The following LTBP2 variants were observed in gnomAD, a reference collection of about 807,000 sequenced individuals.
LTBP2 encodes latent-transforming growth factor beta-binding protein 2.
LTBP2 carries 103 observed loss-of-function variants against 210.6 expected under a neutral mutation model. The ratio of observed to expected loss-of-function variants is 0.49; its 90% confidence interval spans 0.42 to 0.58. The LOEUF (loss-of-function observed/expected upper bound fraction) is 0.58, where lower values mean the gene tolerates loss of function less well. Ranked by LOEUF, LTBP2 falls within the 20% of genes least tolerant of loss-of-function variation. LTBP2 has a pLI of 0.00. For missense variants in LTBP2, 2,313 were observed against 2,494.5 expected (o/e 0.93, Z 1.55); for synonymous variants, 1,007 against 1,015.0 (o/e 0.99, Z 0.15).
chr14:74,611,130 C>T (rs1371187845), intron 1 of LTBP2, among the ~76,000 whole-genome samples: 1 of 152,236 alleles, frequency 6.6e-6, no homozygotes, highest in Non-Finnish European at 1.5e-5. Context: ...GGCAGCGCTG[C>T]AAGAGTCTAC....
Position 74,552,928 on chromosome 14 carries a change from C to A in LTBP2, c.1156G>T (p.Gly386Cys). 4 of 1,613,780 alleles carry A rather than the reference C, an allele frequency of 2.5e-6. No homozygotes were observed. The highest frequency in any genetic ancestry group is 3.4e-6 in the Non-Finnish European group (4 of 1,179,858). ...CCAGACTTGGGATCGTGCCCATGGC[C>A]GCCCTGGCTGTACAGGGTGGTGGTG... ...GDTTTLYSQG[G>C]HGHDPKSGFR... The change falls in exon 5 of 36, where the codon GGC (glycine) becomes TGC (cysteine). Residue 386 changes from glycine (G) to cysteine (C), a missense_variant. By Grantham distance (159) the Gly-to-Cys change is radical. Transcript: ENST00000261978.
chr14:74,590,163 T>A (rs946184641), intron 2 of LTBP2, among the ~76,000 whole-genome samples: 3 of 152,172 alleles, frequency 2.0e-5, no homozygotes, highest in Non-Finnish European at 4.4e-5. Flanking sequence ...GGCACAGACA[T>A]GGTGAAAAGG....
rs1227179818 is a variant in LTBP2 at position 74,612,028 on chromosome 14, C to G, written c.-84G>C. 5 of 1,350,036 alleles carry G rather than the reference C, an allele frequency of 3.7e-6. No homozygotes were observed. Among genetic ancestry groups the G allele is most frequent in the Non-Finnish European group, 4.8e-6 (5 of 1,040,216 alleles). The allele number at this position is 1,350,036 out of a possible 1,614,324, so 83.6% of individuals were successfully genotyped here. A position where few individuals can be genotyped will look rare whatever the true frequency, so the allele number is the denominator to read the frequency against. ...ACGCTGGACGCCCGCGGGCTGTTCT[C>G]CCGGCCCCGCCCGGCGGCCAGCTTC... On this transcript the variant is annotated 5_prime_UTR_variant, in exon 1 of 36. Transcript: ENST00000261978.
At chr14:74,513,803 TCAAA>T (rs33944266) in intron 18 of LTBP2, among the ~76,000 whole-genome samples, 106,104 of 151,016 alleles carry the variant, frequency 0.7, 37,674 homozygotes, top group African/African-American at 0.82. Context: ...AGACTCTGTC[TCAAA>T]CAAACAAACA....
At chr14:74,552,501 G>T in intron 5 of LTBP2, 108 bp from the exon 6 acceptor site, 1 of 1,003,856 alleles carries the variant, frequency 1.0e-6, no homozygotes, top group Non-Finnish European at 1.5e-6. Context: ...ACCCTAGATG[G>T]CTCCTGTAGC....
chr14:74,551,022 T>G (rs757666137), intron 7 of LTBP2, 42 bp downstream of exon 7: 8 of 1,610,752 alleles, frequency 5.0e-6, no homozygotes, highest in Non-Finnish European at 6.8e-6. Flanking sequence ...ACAACTGCCA[T>G]CCTGGAAGCA....
intron 2 of LTBP2, among the ~76,000 whole-genome samples, chr14:74,592,854 G>A (rs542813004): frequency 6.6e-6 from 1 of 152,042 alleles, no homozygotes; most frequent in Non-Finnish European, 1.5e-5. Context: ...CAGTACCCTC[G>A]GACAACCGGA....
At chr14:74,570,310 C>A (rs1012979207) in intron 3 of LTBP2, among the ~76,000 whole-genome samples, 2 of 152,202 alleles carry the variant, frequency 1.3e-5, no homozygotes, top group Non-Finnish European at 2.9e-5. Flanking sequence ...TGCCCATGCA[C>A]AAGCTTAGCA....
intron 12 of LTBP2, among the ~76,000 whole-genome samples, chr14:74,528,268 G>T (rs376569519): frequency 1.3e-5 from 2 of 152,178 alleles, no homozygotes; most frequent in African/African-American, 2.4e-5. Context: ...TCCCTGGGGC[G>T]TGGGCACCTC....
intron 18 of LTBP2, among the ~76,000 whole-genome samples, chr14:74,513,314 T>A (rs763455195): frequency 6.6e-6 from 1 of 152,162 alleles, no homozygotes; most frequent in South Asian, 2.1e-4. Context: ...ATGAGACTAG[T>A]GAGGGCCAAC....
At chr14:74,513,263 G>T (rs2087093714) in intron 18 of LTBP2, among the ~76,000 whole-genome samples, 1 of 152,226 alleles carries the variant, frequency 6.6e-6, no homozygotes, top group Admixed American at 6.5e-5. Context: ...CTGCACCATG[G>T]TAATCTGGTG....
At chr14:74,527,294 G>C in intron 13 of LTBP2, 53 bp downstream of exon 13, 4 of 1,599,562 alleles carry the variant, frequency 2.5e-6, no homozygotes, top group Non-Finnish European at 3.4e-6. Context: ...GCTGCTACCA[G>C]GTCCTGCTCT....
intron 30 of LTBP2, among the ~76,000 whole-genome samples, 170 bp from the exon 31 acceptor site, chr14:74,504,224 AGTT>A (rs759812071): frequency 3.8e-4 from 58 of 152,142 alleles, no homozygotes; most frequent in Non-Finnish European, 7.1e-4. Context: ...ATACTCTTAG[AGTT>A]GTTGTAAGGA....
At chr14:74,528,824 G>A in intron 11 of LTBP2, 126 bp from the exon 12 acceptor site, 1 of 1,509,720 alleles carries the variant, frequency 6.6e-7, no homozygotes, top group African/African-American at 1.4e-5. Context: ...GCCCCAGGTT[G>A]GGATAAGCAC....
intron 9 of LTBP2, among the ~76,000 whole-genome samples, chr14:74,534,101 G>A (rs1018950437): frequency 2.0e-5 from 3 of 152,316 alleles, no homozygotes; most frequent in East Asian, 1.9e-4. Flanking sequence ...GCCAATAAGA[G>A]CTGGGAAGGT....
chr14:74,523,342 G>T (rs115256826), intron 15 of LTBP2, among the ~76,000 whole-genome samples: 1 of 152,118 alleles, frequency 6.6e-6, no homozygotes, highest in African/African-American at 2.4e-5. Flanking sequence ...AACTGCCAGG[G>T]GAAAATGGGA....
chr14:74,544,303 C>T (rs2087551309), intron 8 of LTBP2, among the ~76,000 whole-genome samples: 1 of 152,164 alleles, frequency 6.6e-6, no homozygotes, highest in Non-Finnish European at 1.5e-5. Context: ...CAAGAAGCAG[C>T]AGAGAGAGGC....
chr14:74,540,909 T>C (rs1473714648), intron 8 of LTBP2, among the ~76,000 whole-genome samples: 1 of 94,232 alleles, frequency 1.1e-5, no homozygotes, highest in East Asian at 2.4e-4. Context: ...AATATATATA[T>C]TTAAAATATA....
intron 2 of LTBP2, among the ~76,000 whole-genome samples, chr14:74,597,822 C>G (rs1225460253): frequency 1.3e-5 from 2 of 152,170 alleles, no homozygotes; most frequent in African/African-American, 2.4e-5. Context: ...TTCAGAGTCC[C>G]CACTGGCTGG....
Sources: gnomAD v4.1 joint callset for allele counts (sites outside exome capture counted in the v4.1 genomes callset) on GRCh38, gnomAD v4.1.1 for gene constraint, MANE v1.5 for transcripts, NCBI Gene and HGNC (gene_info 2026-07-23, HGNC 2026-07-21) for gene names.